Variants in TMTC2 observed in about 807,000 individuals in gnomAD.
The protein encoded by TMTC2 is protein O-mannosyl-transferase TMTC2.
In TMTC2, 43 loss-of-function variants were observed where a neutral mutation model predicts 82.4. The observed-to-expected ratio is 0.52, with a 90% CI of 0.41 to 0.67. TMTC2 has a LOEUF of 0.67. TMTC2 is among the 30% of genes least tolerant of loss of function. The pLI is 0.00. For synonymous variants in TMTC2, 408 were observed against 381.9 expected (o/e 1.07, Z -0.80); for missense variants, 919 against 1,012.4 (o/e 0.91, Z 1.25).
chr12:83,096,448 T>C (rs1051002185), intron 11 of TMTC2, among the ~76,000 whole-genome samples: 9 of 151,538 alleles, frequency 5.9e-5, no homozygotes, highest in African/African-American at 2.2e-4. Context: ...TATAAAGACA[T>C]ACCTGAGACA....
At chr12:82,707,573 C>T (rs1380129726) in intron 1 of TMTC2, among the ~76,000 whole-genome samples, 2 of 152,150 alleles carry the variant, frequency 1.3e-5, no homozygotes, top group African/African-American at 2.4e-5. Flanking sequence ...AGAGTTTTCT[C>T]CCTAATTCTC....
intron 4 of TMTC2, among the ~76,000 whole-genome samples, chr12:82,932,063 A>G (rs1342123441): frequency 1.3e-5 from 2 of 152,204 alleles, no homozygotes; most frequent in African/African-American, 4.8e-5. Flanking sequence ...GTATTAAACT[A>G]ATCTGTAAAC....
chr12:83,051,600 A>G (rs1032761723), intron 10 of TMTC2, among the ~76,000 whole-genome samples: 2 of 152,110 alleles, frequency 1.3e-5, no homozygotes, highest in African/African-American at 4.8e-5. Context: ...CTGCATCTCA[A>G]TATTTGTGTT....
At chr12:82,908,677 G>A (rs577517261) in intron 3 of TMTC2, among the ~76,000 whole-genome samples, 3 of 152,162 alleles carry the variant, frequency 2.0e-5, no homozygotes, top group Admixed American at 6.5e-5. Context: ...AATCAGGTTA[G>A]GAGCATTACT....
chr12:83,007,591 T>C (rs750274272), intron 8 of TMTC2, among the ~76,000 whole-genome samples: 4 of 152,242 alleles, frequency 2.6e-5, no homozygotes, highest in Non-Finnish European at 5.9e-5. Context: ...ATGACATCTC[T>C]GTCACTCATT....
At chr12:82,993,358 C>G (rs1205780395) in intron 8 of TMTC2, among the ~76,000 whole-genome samples, 1 of 128,670 alleles carries the variant, frequency 7.8e-6, no homozygotes, top group East Asian at 2.4e-4. Context: ...CTGTGCAGGT[C>G]TACTTATACA....
intron 1 of TMTC2, among the ~76,000 whole-genome samples, chr12:82,820,596 A>G (rs1409372642): frequency 1.3e-5 from 2 of 152,108 alleles, no homozygotes; most frequent in African/African-American, 2.4e-5. Context: ...GCTGGTCTTG[A>G]ACTCCTGACC....
chr12:82,837,467 C>T (rs546585979), intron 1 of TMTC2, among the ~76,000 whole-genome samples: 32 of 152,156 alleles, frequency 2.1e-4, no homozygotes, highest in East Asian at 7.7e-4. Context: ...AAAAAGGTTA[C>T]GATGATGACC....
chr12:82,703,690 G>A (rs146323631), intron 1 of TMTC2, among the ~76,000 whole-genome samples: 1,619 of 151,898 alleles, frequency 0.011, 29 homozygotes, highest in African/African-American at 0.037. Context: ...TGGTAGAGAC[G>A]GGGTTTCACC....
intron 1 of TMTC2, among the ~76,000 whole-genome samples, chr12:82,713,606 G>A (rs899912274): frequency 3.3e-5 from 5 of 152,118 alleles, no homozygotes; most frequent in Admixed American, 2.0e-4. Context: ...ATCAGATCTC[G>A]TGAGACTTAT....
At chr12:82,891,972 A>G (rs1508646) in intron 2 of TMTC2, among the ~76,000 whole-genome samples, 94,838 of 151,974 alleles carry the variant, frequency 0.62, 31,768 homozygotes, top group African/African-American at 0.88. Flanking sequence ...AGGCTGAGGT[A>G]GGAGGATTGC....
At chr12:82,963,998 T>C (rs906595417) in intron 4 of TMTC2, among the ~76,000 whole-genome samples, 1 of 151,426 alleles carries the variant, frequency 6.6e-6, no homozygotes, top group African/African-American at 2.4e-5. Context: ...CATTAAATAA[T>C]GTATTTTAAA....
intron 2 of TMTC2, among the ~76,000 whole-genome samples, chr12:82,888,601 C>A (rs1020944786): frequency 6.6e-6 from 1 of 152,030 alleles, no homozygotes; most frequent in African/African-American, 2.4e-5. Flanking sequence ...GACTTATGAG[C>A]CTTTGTGTGG....
chr12:82,689,859 G>A (rs1872502199), intron 1 of TMTC2, among the ~76,000 whole-genome samples: 1 of 152,176 alleles, frequency 6.6e-6, no homozygotes, highest in South Asian at 2.1e-4. Context: ...ATGATGTCTA[G>A]ATAGTATATA....
chr12:83,068,855 C>A (rs1354312533), intron 11 of TMTC2, among the ~76,000 whole-genome samples: 3 of 152,004 alleles, frequency 2.0e-5, no homozygotes, highest in Admixed American at 6.6e-5. Flanking sequence ...TATCCCTCGC[C>A]CCCCTCCCAC....
chr12:82,712,553 G>A (rs1873683154), intron 1 of TMTC2, among the ~76,000 whole-genome samples: 1 of 152,128 alleles, frequency 6.6e-6, no homozygotes, highest in South Asian at 2.1e-4. Flanking sequence ...GCGTGGGCCA[G>A]GGAGTCTGAT....
At chr12:82,811,997 TA>T (rs1868421318) in intron 1 of TMTC2, among the ~76,000 whole-genome samples, 1 of 151,862 alleles carries the variant, frequency 6.6e-6, no homozygotes, top group African/African-American at 2.4e-5. Flanking sequence ...TTTGTAATTT[TA>T]ATAGAGACAT....
intron 1 of TMTC2, among the ~76,000 whole-genome samples, chr12:82,787,869 C>T (rs1355080557): frequency 2.0e-5 from 3 of 151,976 alleles, no homozygotes; most frequent in Admixed American, 1.3e-4. Flanking sequence ...CAAGCTATCA[C>T]GCCAATGCAC....
chr12:83,106,343 T>C lies in TMTC2; in HGVS notation c.2332-25867T>C, dbSNP rs1478442531. Among the ~76,000 whole-genome samples the C allele has an allele frequency of 3.3e-5, 5 of 151,638 alleles. No homozygotes were observed. In the East Asian group the frequency reaches 7.8e-4, roughly 24 times the overall value. On this transcript the variant is annotated intron_variant, in intron 11 of 11. Coordinates refer to ENST00000321196, the MANE Select transcript of TMTC2 (RefSeq NM_152588.3). ...GGTGAAACCCCATCTTTACTAAAAATACAAAATTGGCTGGGCGTGGTGGTG... is the reference window on the plus strand; with the variant it reads ...GGTGAAACCCCATCTTTACTAAAAACACAAAATTGGCTGGGCGTGGTGGTG...
Sources: gnomAD v4.1 joint callset for allele counts (sites outside exome capture counted in the v4.1 genomes callset) on GRCh38, gnomAD v4.1.1 for gene constraint, MANE v1.5 for transcripts, NCBI Gene and HGNC (gene_info 2026-07-23, HGNC 2026-07-21) for gene names.